Variants in KHDRBS2 observed in about 807,000 individuals in gnomAD.
KHDRBS2 encodes the protein KH RNA binding domain containing, signal transduction associated 2, also known as KH domain-containing, RNA-binding, signal transduction-associated protein 2.
Under a neutral mutation model 44.3 loss-of-function variants are expected in KHDRBS2, and 26 were observed. The observed-to-expected ratio is 0.59, with a 90% CI of 0.43 to 0.81. The LOEUF (loss-of-function observed/expected upper bound fraction) is 0.81, where lower values mean the gene tolerates loss of function less well. Ranked by LOEUF, KHDRBS2 falls within the 40% of genes least tolerant of loss-of-function variation. The probability of loss-of-function intolerance (pLI) is 0.00; values close to 1 mark genes in which losing one functional copy is unlikely to be tolerated. For missense variants in KHDRBS2, 476 were observed against 433.1 expected (o/e 1.10, Z -0.88); for synonymous variants, 194 against 151.1 (o/e 1.28, Z -2.08).
At chr6:61,965,798 T>A (rs1449426403) in intron 4 of KHDRBS2, among the ~76,000 whole-genome samples, 2 of 151,962 alleles carry the variant, frequency 1.3e-5, no homozygotes, top group Non-Finnish European at 2.9e-5. Context: ...ATGGGAGTAC[T>A]GATATTTTGA....
chr6:62,276,684 G>T (rs1305916713), intron 1 of KHDRBS2, among the ~76,000 whole-genome samples: 1 of 152,080 alleles, frequency 6.6e-6, no homozygotes, highest in Admixed American at 6.6e-5. Flanking sequence ...TATATTTTAT[G>T]ATATCATATA....
intron 4 of KHDRBS2, 59 bp from the exon 5 acceptor site, chr6:61,901,430 A>G (rs1804004056): frequency 1.2e-4 from 43 of 372,854 alleles, no homozygotes; most frequent in Non-Finnish European, 1.4e-4. Flanking sequence ...TCAGAGTTGG[A>G]AAAAAAAAAA....
At chr6:61,999,446 A>C (rs1425306293) in intron 3 of KHDRBS2, among the ~76,000 whole-genome samples, 1 of 152,070 alleles carries the variant, frequency 6.6e-6, no homozygotes, top group African/African-American at 2.4e-5. Context: ...ATATAACTTA[A>C]AGTTGTTTTC....
the KHDRBS2 span, among the ~76,000 whole-genome samples, chr6:61,634,885 C>A: frequency 2.0e-5 from 3 of 152,046 alleles, no homozygotes; most frequent in Non-Finnish European, 2.9e-5. Context: ...CTTATTGCAG[C>A]AGCCTCTTAA....
At chr6:62,090,228 C>T (rs775721027) in intron 2 of KHDRBS2, among the ~76,000 whole-genome samples, 11 of 152,130 alleles carry the variant, frequency 7.2e-5, no homozygotes, top group Admixed American at 2.0e-4. Flanking sequence ...CTTCACCATA[C>T]TAAAGGAATT....
rs527854664 is a variant in KHDRBS2 at position 62,100,934 on chromosome 6, C to CA, written c.220-52941dup. 2.1e-3 allele frequency among the ~76,000 whole-genome samples: 327 copies of CA among 152,118 alleles called. 1 individual carries two copies. The highest frequency in any genetic ancestry group is 2.3e-3 in the African/African-American group (94 of 41,494). ...ATTGTATTACAGCTATAGATTTTTA[C>CA]AAAAAATAGCAAATTGATGAGAATA... On this transcript the variant is annotated intron_variant, in intron 2 of 8. Coordinates refer to ENST00000281156, the MANE Select transcript of KHDRBS2 (RefSeq NM_152688.4).
At chr6:61,849,618 T>C (rs1197781631) in intron 6 of KHDRBS2, among the ~76,000 whole-genome samples, 1 of 151,028 alleles carries the variant, frequency 6.6e-6, no homozygotes, top group East Asian at 1.9e-4. Context: ...AGTAATGTAC[T>C]TCAGAGAAAC....
intron 6 of KHDRBS2, among the ~76,000 whole-genome samples, chr6:61,772,895 G>GT (rs1582745489): frequency 6.6e-6 from 1 of 151,832 alleles, no homozygotes; most frequent in Non-Finnish European, 1.5e-5. Flanking sequence ...GCGGTGTTTG[G>GT]TTTTTTGTTC....
chr6:62,078,455 C>A (rs537935202), intron 2 of KHDRBS2, among the ~76,000 whole-genome samples: 2 of 151,620 alleles, frequency 1.3e-5, no homozygotes, highest in African/African-American at 4.8e-5. Context: ...TTTTATAGTA[C>A]AAAAATGTTA....
intron 4 of KHDRBS2, among the ~76,000 whole-genome samples, chr6:61,918,702 A>C (rs1807479803): frequency 6.6e-6 from 1 of 151,934 alleles, no homozygotes. Context: ...TGCTATTCTG[A>C]ATCAATGTGC....
chr6:61,725,369 C>T (rs761132869), intron 7 of KHDRBS2, among the ~76,000 whole-genome samples: 6 of 152,028 alleles, frequency 3.9e-5, no homozygotes, highest in Non-Finnish European at 7.4e-5. Context: ...AACAACCTAA[C>T]ATCTCAACTA....
At chr6:62,066,456 C>T (rs908762426) in intron 2 of KHDRBS2, among the ~76,000 whole-genome samples, 3 of 151,614 alleles carry the variant, frequency 2.0e-5, no homozygotes, top group African/African-American at 7.2e-5. Context: ...TTTTGACTTT[C>T]TTTAAATGAG....
intron 2 of KHDRBS2, among the ~76,000 whole-genome samples, chr6:62,150,263 G>A (rs1317804564): frequency 6.6e-6 from 1 of 151,614 alleles, no homozygotes; most frequent in Non-Finnish European, 1.5e-5. Flanking sequence ...CCATGTGGCT[G>A]GTGACAGTTG....
the KHDRBS2 span, among the ~76,000 whole-genome samples, chr6:61,579,187 A>G: frequency 6.6e-6 from 1 of 152,100 alleles, no homozygotes; most frequent in Admixed American, 6.6e-5. Flanking sequence ...TTCTTTTAGG[A>G]TCTTTATTCT....
chr6:62,102,212 A>G (rs1303140851), intron 2 of KHDRBS2, among the ~76,000 whole-genome samples: 3 of 152,230 alleles, frequency 2.0e-5, no homozygotes, highest in African/African-American at 4.8e-5. Context: ...ATATAATTAG[A>G]GGGTTTCATA....
chr6:61,876,555 G>A (rs1799435239), intron 6 of KHDRBS2, among the ~76,000 whole-genome samples: 1 of 151,996 alleles, frequency 6.6e-6, no homozygotes, highest in African/African-American at 2.4e-5. Context: ...ACACTCATCT[G>A]CCTGGTGCCT....
Position 61,978,160 on chromosome 6 carries a change from T to G in KHDRBS2, c.389A>C (p.Glu130Ala). 6.2e-7 allele frequency: 1 copy of G among 1,611,694 alleles called. No homozygotes were observed. Among genetic ancestry groups the G allele is most frequent in the Non-Finnish European group, 8.5e-7 (1 of 1,178,222 alleles). The change falls in exon 4 of 9, where the codon GAG becomes GCG. Residue 130 changes from glutamate to alanine, a missense_variant. Transcript: ENST00000281156. ...AAACACTTCAATTAATACATGAAGC[T>G]CATCACTCAAGTGGGCATATTTGGC... Reference protein sequence around the residue: ...GEAKYAHLSDELHVLIEVFAP... With the variant: ...GEAKYAHLSDALHVLIEVFAP...
At chr6:62,148,680 G>A (rs1319885563) in intron 2 of KHDRBS2, among the ~76,000 whole-genome samples, 2 of 151,884 alleles carry the variant, frequency 1.3e-5, no homozygotes, top group Non-Finnish European at 2.9e-5. Context: ...AAAAAAATCC[G>A]AGGGCCTCAA....
intron 6 of KHDRBS2, among the ~76,000 whole-genome samples, chr6:61,847,268 G>C (rs1758408871): frequency 6.6e-6 from 1 of 152,058 alleles, no homozygotes; most frequent in South Asian, 2.1e-4. Context: ...CTTTACTTTA[G>C]AAAACTTATA....
Sources: allele counts gnomAD v4.1 joint callset (sites outside exome capture counted in the v4.1 genomes callset), GRCh38; gene constraint gnomAD v4.1.1; transcripts MANE v1.5; gene names NCBI Gene and HGNC (gene_info 2026-07-23, HGNC 2026-07-21).